The following PCDH15 variants were observed in gnomAD, a reference collection of about 807,000 sequenced individuals.
The protein encoded by PCDH15 is protocadherin-15.
PCDH15 carries 129 observed loss-of-function variants against 178.5 expected under a neutral mutation model. The ratio of observed to expected loss-of-function variants is 0.72; its 90% CI spans 0.63 to 0.84. The LOEUF (loss-of-function observed/expected upper bound fraction) is 0.84. PCDH15 is among the 40% of genes least tolerant of loss of function. The pLI, the probability that PCDH15 is intolerant of heterozygous loss-of-function variation, is 0.00. For missense variants in PCDH15, 2,230 were observed against 2,099.9 expected, an observed-to-expected ratio of 1.06 and a Z score of -1.21; for synonymous variants, 800 against 732.0, an observed-to-expected ratio of 1.09 and a Z score of -1.50.
At chr10:55,226,370 G>T (rs1841041905) in intron 1 of PCDH15, among the ~76,000 whole-genome samples, 2 of 151,868 alleles carry the variant, frequency 1.3e-5, no homozygotes, top group Non-Finnish European at 2.9e-5. Flanking sequence ...TTTTGTTTTT[G>T]TTTTTGTTTT....
At chr10:54,690,867 A>T (rs10825374) in intron 1 of PCDH15, among the ~76,000 whole-genome samples, 131,773 of 152,028 alleles carry the variant, frequency 0.87, 57,765 homozygotes, top group Middle Eastern at 0.94. Flanking sequence ...GAAGATGACC[A>T]TCATTGAAGG....
chr10:55,336,124 G>GAAAAAAAAAA (rs748988261), intron 2 of PCDH15, among the ~76,000 whole-genome samples: 2 of 59,276 alleles, frequency 3.4e-5, no homozygotes, highest in Admixed American at 2.6e-4. Context: ...CTTGGTATTT[G>GAAAAAAAAAA]AAAAAAAAAA....
chr10:54,074,169 A>C (rs990958622), intron 17 of PCDH15, among the ~76,000 whole-genome samples: 2 of 152,186 alleles, frequency 1.3e-5, no homozygotes, highest in Non-Finnish European at 2.9e-5. Flanking sequence ...CCATCTCTTC[A>C]CTGTCCACCT....
chr10:55,476,857 T>C lies in PCDH15; in HGVS notation c.-156+150768A>G, dbSNP rs371714018. Among the ~76,000 whole-genome samples the C allele has an allele frequency of 2.0e-5, 3 of 151,986 alleles. No individual in the cohort carries two copies. In the East Asian group the frequency reaches 5.8e-4, roughly 29 times the overall value. The stretch of plus-strand genomic sequence containing the variant: ...AGAAATAGATTCTGTAGATTGTCCC[T>C]GATTATCTTCTTTCCTCACTTATTG... On this transcript the variant is annotated intron_variant, in intron 2 of 5. Transcript: ENST00000613346.
intron 37 of PCDH15, chr10:53,809,275 G>C (rs761055282): frequency 6.2e-7 from 1 of 1,613,900 alleles, no homozygotes; most frequent in Non-Finnish European, 8.5e-7. Context: ...AGTGCTTTCT[G>C]TTGCTTCCTC....
At chr10:55,392,701 A>G (rs566565388) in intron 2 of PCDH15, among the ~76,000 whole-genome samples, 18 of 152,210 alleles carry the variant, frequency 1.2e-4, no homozygotes, top group Non-Finnish European at 2.2e-4. Context: ...GGTTGCTGAT[A>G]TAAAATATAT....
chr10:54,773,968 A>G (rs966675248), intron 1 of PCDH15, among the ~76,000 whole-genome samples: 2 of 146,868 alleles, frequency 1.4e-5, no homozygotes, highest in African/African-American at 5.1e-5. Flanking sequence ...TTAACACTTC[A>G]TAAAAGTCAA....
Position 54,858,867 on chromosome 10 carries a change from A to G in PCDH15, c.-29+38583T>C, listed in dbSNP as rs541054297. On this transcript the variant is annotated intron_variant, in intron 3 of 5. Transcript: ENST00000458638. Reference sequence around the variant, plus strand: ...TCAGATTAGAGTAGCTTATTTGAAAACAATAACTACTGAAGAATTTTATAT... The same window carrying G: ...TCAGATTAGAGTAGCTTATTTGAAAGCAATAACTACTGAAGAATTTTATAT... 2.6e-5 allele frequency among the ~76,000 whole-genome samples: 4 copies of G among 152,184 alleles called. No individual in the cohort carries two copies. The South Asian group carries it at 8.3e-4, about 32-fold the overall frequency.
At chr10:55,006,506 T>C (rs1406614621) in intron 2 of PCDH15, among the ~76,000 whole-genome samples, 3 of 152,174 alleles carry the variant, frequency 2.0e-5, no homozygotes, top group African/African-American at 4.8e-5. Context: ...GAAGGAACAT[T>C]GCATTAAGAG....
rs1839761596 is a variant in PCDH15 at position 55,463,987 on chromosome 10, GAAAGAGAAAGAAAGAAAGAA to G, written c.-156+163618_-156+163637del. ...AAAGAAAGAAAGAGAAAGAAAGAAA[GAAAGAGAAAGAAAGAAAGAA>G]AGAAAGAAAGAAAGAAAGAAAGAAA... On this transcript the variant is annotated intron_variant, in intron 2 of 5. Transcript: ENST00000613346. Among the ~76,000 whole-genome samples, 9 of 25,232 alleles carry G rather than the reference GAAAGAGAAAGAAAGAAAGAA, an allele frequency of 3.6e-4. 3 individuals carry two copies. Among genetic ancestry groups the G allele is most frequent in the Non-Finnish European group, 5.9e-5 (1 of 16,832 alleles). 16.6% of individuals were successfully genotyped at this position (25,232 alleles called of 152,430 possible).
intron 2 of PCDH15, among the ~76,000 whole-genome samples, chr10:55,339,564 T>G (rs1844493775): frequency 6.6e-6 from 1 of 152,170 alleles, no homozygotes; most frequent in South Asian, 2.1e-4. Context: ...CTGCATTGGT[T>G]AGATCCCATC....
intron 2 of PCDH15, among the ~76,000 whole-genome samples, chr10:54,919,072 T>A (rs1328813169): frequency 6.6e-6 from 1 of 152,112 alleles, no homozygotes; most frequent in Non-Finnish European, 1.5e-5. Flanking sequence ...CATCGTAAAG[T>A]AAAAAAATTG....
intron 27 of PCDH15, among the ~76,000 whole-genome samples, chr10:53,863,806 A>G (rs1278977080): frequency 1.3e-5 from 2 of 152,224 alleles, no homozygotes; most frequent in African/African-American, 4.8e-5. Flanking sequence ...AATCTACTGC[A>G]TAAGTAGAGG....
intron 7 of PCDH15, among the ~76,000 whole-genome samples, chr10:54,323,090 C>T (rs2061711483): frequency 6.6e-6 from 1 of 152,054 alleles, no homozygotes; most frequent in Non-Finnish European, 1.5e-5. Flanking sequence ...GACATACATG[C>T]AGCCAACAAA....
chr10:53,956,683 A>G (rs1216230716), intron 23 of PCDH15, among the ~76,000 whole-genome samples: 1 of 152,132 alleles, frequency 6.6e-6, no homozygotes, highest in Admixed American at 6.6e-5. Flanking sequence ...ATGCAACAAG[A>G]TTACCAAATT....
rs2085798215 is a variant in PCDH15, at chr10:53,938,804, G to A, written c.3373+11C>T. The stretch of plus-strand genomic sequence containing the variant: ...ACAATTCTGGTAAAAGCTTTAAGTA[G>A]TATAACTTACTTTTTGAAGGAACTC... On this transcript the variant is annotated intron_variant, in intron 25 of 37. Transcript: ENST00000644397. 3 of 1,611,740 alleles carry A rather than the reference G, an allele frequency of 1.9e-6. No individual in the cohort carries two copies. Among genetic ancestry groups the A allele is most frequent in the South Asian group, 2.2e-5 (2 of 91,060 alleles).
At chr10:54,734,016 C>T (rs1347529407) in intron 1 of PCDH15, among the ~76,000 whole-genome samples, 2 of 149,952 alleles carry the variant, frequency 1.3e-5, no homozygotes, top group Admixed American at 6.7e-5. Flanking sequence ...AAATTTGGAA[C>T]ATAAGTTTAA....
In PCDH15 at chr10:54,391,836, T is replaced by C. The variant is rs554361755; in HGVS notation, c.158-12894A>G. ...AGAGTGGATGTAAAAGGCAAACAGA[T>C]GTATCTGCACATTACCTCCTCAAGG... On this transcript the variant is annotated intron_variant, in intron 3 of 37. Transcript: ENST00000644397. 9.9e-5 allele frequency among the ~76,000 whole-genome samples: 15 copies of C among 152,250 alleles called. No homozygotes were observed. In the South Asian group the frequency reaches 3.1e-3, roughly 32 times the overall value.
chr10:55,447,433 C>CTT (rs1565149513), intron 2 of PCDH15, among the ~76,000 whole-genome samples: 3 of 151,922 alleles, frequency 2.0e-5, no homozygotes, highest in African/African-American at 7.2e-5. Context: ...CCTTAATAAG[C>CTT]CCTTTGAGGA....
Sources: allele counts gnomAD v4.1 joint callset (sites outside exome capture counted in the v4.1 genomes callset), GRCh38; gene constraint gnomAD v4.1.1; transcripts MANE v1.5; gene names NCBI Gene and HGNC (gene_info 2026-07-23, HGNC 2026-07-21).